Variants in CCDC198 observed in about 807,000 individuals in gnomAD.
The protein encoded by CCDC198 is factor associated with metabolism and energy.
Under a neutral mutation model 35.6 loss-of-function variants are expected in CCDC198, and 18 were observed. That is an observed-to-expected ratio of 0.51 (90% CI 0.35 to 0.75). CCDC198 has a LOEUF of 0.75. CCDC198 is among the 30% of genes least tolerant of loss of function. CCDC198 has a pLI of 0.01. For missense variants in CCDC198, 365 were observed against 343.7 expected, an observed-to-expected ratio of 1.06 and a Z score of -0.49; for synonymous variants, 119 against 113.4, an observed-to-expected ratio of 1.05 and a Z score of -0.31.
chr14:57,469,419 T>C lies in CCDC198; in HGVS notation c.*1936A>G, dbSNP rs1021323579. ...TCATGTAGCTCACAGTTCATTAAGC[T>C]TGTGGAAGTGGGTTTCGTGAAATTG... On this transcript the variant is annotated 3_prime_UTR_variant, in exon 6 of 6. Coordinates refer to ENST00000216445, the MANE Select transcript of CCDC198 (RefSeq NM_018168.4). 16 of 152,226 alleles carry C rather than the reference T, an allele frequency of 1.1e-4. No homozygotes were observed. Among genetic ancestry groups the C allele is most frequent in the African/African-American group, 3.9e-4 (16 of 41,464 alleles). The allele number at this position is 152,226 out of a possible 1,614,324, so 9.4% of individuals were successfully genotyped here.
intron 5 of CCDC198, among the ~76,000 whole-genome samples, chr14:57,474,290 A>G (rs1199673027): frequency 6.6e-6 from 1 of 152,198 alleles, no homozygotes; most frequent in African/African-American, 2.4e-5. Context: ...TAGGACCTAA[A>G]AAAGGCCCCA....
chr14:57,493,855 T>G lies in CCDC198; in HGVS notation c.-140A>C. ...ATTTCCTTCATGGCATCCTTCTAGC[T>G]CTGTTTCACTGCACACTAACCCTTT... On this transcript the variant is annotated 5_prime_UTR_variant, in exon 1 of 6. Coordinates refer to ENST00000216445, the MANE Select transcript of CCDC198 (RefSeq NM_018168.4). The G allele has an allele frequency of 1.5e-6, 1 of 671,346 alleles. No homozygotes were observed. The highest frequency in any genetic ancestry group is 2.0e-5 in the South Asian group (1 of 51,056). 41.6% of individuals were successfully genotyped at this position (671,346 alleles called of 1,614,324 possible). A position where few individuals can be genotyped will look rare whatever the true frequency, so the allele number is the denominator to read the frequency against.
Position 57,493,603 on chromosome 14 carries a change from T to C in CCDC198, c.113A>G (p.Asn38Ser), listed in dbSNP as rs1386299135. ...TGAATATGAAGTCTTTTCTTCCAAA[T>C]TCTGATTGAATGCAAAGTCCACACG... is the stretch of plus-strand genomic sequence containing the variant. ...AGRVDFAFNQ[N>S]LEEKTSYSLA... The change falls in exon 1 of 6, where the codon AAT becomes AGT. Residue 38 changes from asparagine (N) to serine (S), a missense_variant. By Grantham distance (46) the Asn-to-Ser change is conservative. Transcript: ENST00000216445. 2 of 1,613,890 alleles carry C rather than the reference T, an allele frequency of 1.2e-6. No individual in the cohort carries two copies. Among genetic ancestry groups the C allele is most frequent in the Non-Finnish European group, 1.7e-6 (2 of 1,179,940 alleles).
intron 3 of CCDC198, among the ~76,000 whole-genome samples, chr14:57,482,757 T>G (rs1047348507): frequency 6.6e-6 from 1 of 152,204 alleles, no homozygotes; most frequent in Non-Finnish European, 1.5e-5. Flanking sequence ...TTTCACAGAT[T>G]TGAAAACTTC....
intron 2 of CCDC198, among the ~76,000 whole-genome samples, chr14:57,487,453 C>T (rs1394316878): frequency 6.6e-6 from 1 of 152,074 alleles, no homozygotes; most frequent in Admixed American, 6.6e-5. Context: ...CCAAGGAGAT[C>T]ATCTGAGGAC....
Position 57,491,017 on chromosome 14 carries a change from A to G in CCDC198, c.278T>C (p.Ile93Thr). The G allele has an allele frequency of 4.4e-6, 7 of 1,608,088 alleles. No homozygotes were observed. The highest frequency in any genetic ancestry group is 6.0e-6 in the Non-Finnish European group (7 of 1,175,030). The change falls in exon 2 of 6, where the codon ATT (isoleucine) becomes ACT (threonine). Residue 93 changes from isoleucine to threonine, a missense_variant. Ile to Thr is a moderately conservative substitution (Grantham distance 89). Coordinates refer to ENST00000216445, the MANE Select transcript of CCDC198 (RefSeq NM_018168.4). ...AAGTCTTTGGGGTGGATGCCTTTTA[A>G]TAATACTTGTTTCTCTGTGTTCCAG... is the stretch of plus-strand genomic sequence containing the variant. ...IPLEHRETSI[I>T]KRHPPQRLQK...
chr14:57,479,163 T>C, intron 5 of CCDC198: 1 of 566,728 alleles, frequency 1.8e-6, no homozygotes, highest in East Asian at 6.9e-5. Flanking sequence ...GGCTGAAATG[T>C]GGGGGCTGGG....
Position 57,493,652 on chromosome 14 carries a change from CTTTGT to C in CCDC198, c.59_63del (p.Asn20ArgfsTer34). On this transcript the variant is annotated frameshift_variant, in exon 1 of 6. Coordinates refer to ENST00000216445, the MANE Select transcript of CCDC198 (RefSeq NM_018168.4). LOFTEE classifies it high-confidence loss of function. Reference sequence around the variant, plus strand: ...CGGCCAGCCGAGGGAGTCTCTACCTCTTTGTTTTGCAAAGGTGCTACTTTGATCAC... The same window carrying C: ...CGGCCAGCCGAGGGAGTCTCTACCTCTTTGCAAAGGTGCTACTTTGATCAC... 1 of 1,613,884 alleles carries C rather than the reference CTTTGT, an allele frequency of 6.2e-7. No homozygotes were observed. Among genetic ancestry groups the C allele is most frequent in the South Asian group, 1.1e-5 (1 of 91,082 alleles).
rs2067546434 is a variant in CCDC198 at position 57,490,981 on chromosome 14, C to T, written c.306+8G>A. 1 of 1,559,560 alleles carries T rather than the reference C, an allele frequency of 6.4e-7. No individual in the cohort carries two copies. Among genetic ancestry groups the T allele is most frequent in the South Asian group, 1.1e-5 (1 of 88,864 alleles). ...AATTCCTTATGAAGCCTTTTAAATT[C>T]ATCTTACTTGAAGTCTTTGGGGTGG... is the stretch of plus-strand genomic sequence containing the variant. On this transcript the variant is annotated splice_region_variant and intron_variant, in intron 2 of 5. Coordinates refer to ENST00000216445, the MANE Select transcript of CCDC198 (RefSeq NM_018168.4).
chr14:57,486,247 C>T (rs190490035), intron 2 of CCDC198, among the ~76,000 whole-genome samples: 48 of 152,304 alleles, frequency 3.2e-4, no homozygotes, highest in Non-Finnish European at 5.0e-4. Flanking sequence ...TTACTGCACG[C>T]CATGCCCAGG....
intron 5 of CCDC198, chr14:57,475,788 CTTTTTTT>C (rs548486752): frequency 1.8e-3 from 194 of 108,672 alleles, no homozygotes; most frequent in South Asian, 2.6e-3. Context: ...CACTTAGCTT[CTTTTTTT>C]TTTTTTTTTT....
At chr14:57,489,072 G>T (rs933983806) in intron 2 of CCDC198, among the ~76,000 whole-genome samples, 2 of 151,994 alleles carry the variant, frequency 1.3e-5, no homozygotes, top group Non-Finnish European at 2.9e-5. Flanking sequence ...ATACATCGAT[G>T]CATATGTTAA....
intron 2 of CCDC198, among the ~76,000 whole-genome samples, chr14:57,486,473 TAA>T (rs778691287): frequency 1.1e-4 from 16 of 143,968 alleles, no homozygotes; most frequent in East Asian, 2.0e-4. Flanking sequence ...TTTCCGGGAT[TAA>T]AAAAAAAAAA....
intron 2 of CCDC198, among the ~76,000 whole-genome samples, chr14:57,488,696 C>T (rs765872266): frequency 6.6e-6 from 1 of 151,972 alleles, no homozygotes; most frequent in South Asian, 2.1e-4. Context: ...AACAAACAAC[C>T]CCATTAAAAA....
intron 5 of CCDC198, among the ~76,000 whole-genome samples, chr14:57,479,991 G>C (rs74349515): frequency 0.019 from 2,852 of 152,304 alleles, 86 homozygotes; most frequent in African/African-American, 0.065. Flanking sequence ...GGAAGAGAAA[G>C]GGCAGATTTT....
chr14:57,473,808 G>A (rs80224330), intron 5 of CCDC198, among the ~76,000 whole-genome samples: 3,311 of 152,190 alleles, frequency 0.022, 107 homozygotes, highest in African/African-American at 0.075. Flanking sequence ...TATCTGACAT[G>A]GCTTACAAAA....
At chr14:57,482,582 G>A (rs2067223905) in intron 3 of CCDC198, among the ~76,000 whole-genome samples, 1 of 152,138 alleles carries the variant, frequency 6.6e-6, no homozygotes, top group African/African-American at 2.4e-5. Context: ...CATTATAAGT[G>A]CATAGCAGGG....
chr14:57,475,169 G>C (rs953760177), intron 5 of CCDC198: 3 of 186,724 alleles, frequency 1.6e-5, no homozygotes, highest in Non-Finnish European at 3.0e-5. Context: ...GCTGAGGCAG[G>C]AGAGTGGCGT....
rs371832512 is a variant in CCDC198, at chr14:57,478,913, C to A, written c.655+1682G>T. 24 of 1,254,496 alleles carry A rather than the reference C, an allele frequency of 1.9e-5. No homozygotes were observed. In the East Asian group the frequency reaches 3.4e-4, roughly 18 times the overall value. The allele number at this position is 1,254,496 out of a possible 1,614,324, so 77.7% of individuals were successfully genotyped here. A position where few individuals can be genotyped will look rare whatever the true frequency, so the allele number is the denominator to read the frequency against. ...TCAAGACCTCCAGAGACATAGCCAGCTTTTCTGCAGCTCTCTCAGCGGTGG... is the reference window on the plus strand; with the variant it reads ...TCAAGACCTCCAGAGACATAGCCAGATTTTCTGCAGCTCTCTCAGCGGTGG... On this transcript the variant is annotated intron_variant, in intron 5 of 5. Transcript: ENST00000216445.
Sources: allele counts gnomAD v4.1 joint callset (sites outside exome capture counted in the v4.1 genomes callset), GRCh38; gene constraint gnomAD v4.1.1; transcripts MANE v1.5; gene names NCBI Gene and HGNC (gene_info 2026-07-23, HGNC 2026-07-21).